PBX3: variants seen among roughly 807,000 people sequenced by gnomAD.
The protein encoded by PBX3 is pre-B-cell leukemia transcription factor 3.
Under a neutral mutation model 48.5 loss-of-function variants are expected in PBX3, and 14 were observed. That is an observed-to-expected ratio of 0.29 (90% confidence interval 0.19 to 0.45). PBX3 has a LOEUF of 0.45. Among genes scored for constraint, PBX3 ranks in the 20% least tolerant of loss-of-function variants. PBX3 has a pLI of 1.00. For synonymous variants in PBX3, 210 were observed against 200.3 expected (o/e 1.05, Z -0.41); for missense variants, 386 against 546.7 (o/e 0.71, Z 2.93).
chr9:125,888,491 A>G (rs78862188), intron 2 of PBX3, among the ~76,000 whole-genome samples: 3,009 of 152,062 alleles, frequency 0.02, 170 homozygotes, highest in East Asian at 0.17. Context: ...GGCGGCATAC[A>G]TGCTTTACCA....
Position 125,947,270 on chromosome 9 carries a change from ATC to A in PBX3, c.843+11665_843+11666del, listed in dbSNP as rs373815397. On this transcript the variant is annotated intron_variant, in intron 5 of 8. Transcript: ENST00000373489. The stretch of plus-strand genomic sequence containing the variant: ...AAGAAAAGGATAAATATGTATGTAA[ATC>A]TAAGTGAATAATACTGTTTAAAATA... 9.9e-5 allele frequency among the ~76,000 whole-genome samples: 15 copies of A among 152,278 alleles called. No homozygotes were observed. The South Asian group carries it at 2.9e-3, about 29-fold the overall frequency.
intron 2 of PBX3, among the ~76,000 whole-genome samples, chr9:125,897,416 A>T (rs1283217061): frequency 6.6e-6 from 1 of 151,894 alleles, no homozygotes; most frequent in Non-Finnish European, 1.5e-5. Flanking sequence ...GAAAGAATAG[A>T]GTACATTTTG....
chr9:125,904,750 A>G (rs1026799951), intron 2 of PBX3, among the ~76,000 whole-genome samples: 1 of 151,968 alleles, frequency 6.6e-6, no homozygotes, highest in Non-Finnish European at 1.5e-5. Context: ...GGTATCAGTC[A>G]GCAGAATTAT....
At chr9:125,861,251 A>G (rs984151391) in intron 2 of PBX3, among the ~76,000 whole-genome samples, 1 of 152,090 alleles carries the variant, frequency 6.6e-6, no homozygotes, top group African/African-American at 2.4e-5. Context: ...GTGAGCCGTG[A>G]TTGAGCCACT....
chr9:125,912,749 A>G (rs1841232500), intron 2 of PBX3, among the ~76,000 whole-genome samples: 1 of 152,166 alleles, frequency 6.6e-6, no homozygotes, highest in Admixed American at 6.5e-5. Context: ...AACAAGTACA[A>G]TCAAATTTTA....
intron 2 of PBX3, among the ~76,000 whole-genome samples, chr9:125,762,723 G>C (rs904538004): frequency 6.6e-6 from 1 of 152,146 alleles, no homozygotes; most frequent in East Asian, 1.9e-4. Flanking sequence ...CAGTAGCATC[G>C]ACAGATCCAC....
In PBX3 at chr9:125,826,344, CT is replaced by C. The variant is rs559786772; in HGVS notation, c.274+77724del. 1.8e-4 allele frequency among the ~76,000 whole-genome samples: 28 copies of C among 152,202 alleles called. 1 individual carries two copies. The South Asian group carries it at 3.9e-3, about 21-fold the overall frequency. On this transcript the variant is annotated intron_variant, in intron 2 of 8. Coordinates refer to ENST00000373489, the MANE Select transcript of PBX3 (RefSeq NM_006195.6). ...CACAAATGATATAGTAATAACCTTC[CT>C]TTCTCTTCAAAATGTTTTTATGTGA...
intron 5 of PBX3, among the ~76,000 whole-genome samples, chr9:125,959,486 G>A (rs971047930): frequency 3.3e-5 from 5 of 152,242 alleles, no homozygotes; most frequent in African/African-American, 1.2e-4. Flanking sequence ...CCTTGCCAGG[G>A]CTCTCTGCTC....
rs373691654 is a variant in PBX3 at position 125,781,416 on chromosome 9, C to A, written c.274+32793C>A. Among the ~76,000 whole-genome samples, 360 of 151,476 alleles carry A rather than the reference C, an allele frequency of 2.4e-3. 3 individuals carry two copies. Among genetic ancestry groups the A allele is most frequent in the African/African-American group, 8.4e-3 (347 of 41,278 alleles). Reference sequence around the variant, plus strand: ...GCGCCTGCAATCGCAGGCACTCGGCCGGCTGAGGCAGGAGAATCAGGCAGG... The same window carrying A: ...GCGCCTGCAATCGCAGGCACTCGGCAGGCTGAGGCAGGAGAATCAGGCAGG... On this transcript the variant is annotated intron_variant, in intron 2 of 8. Transcript: ENST00000373489.
chr9:125,886,873 A>G (rs1358953330), intron 2 of PBX3, among the ~76,000 whole-genome samples: 1 of 152,150 alleles, frequency 6.6e-6, no homozygotes, highest in Non-Finnish European at 1.5e-5. Context: ...TGAAGATTTT[A>G]AAGAGACATT....
chr9:125,774,143 G>A (rs541300043), intron 2 of PBX3, among the ~76,000 whole-genome samples: 1 of 152,312 alleles, frequency 6.6e-6, no homozygotes, highest in East Asian at 1.9e-4. Flanking sequence ...AGAAGGTGAA[G>A]GGGAAGCCAG....
Position 125,935,472 on chromosome 9 carries a change from A to G in PBX3, c.708A>G (p.Arg236=). Residue 236 remains arginine, a splice_region_variant and synonymous_variant, in exon 5 of 9, where the codon AGA becomes AGG. Transcript: ENST00000373489. ...TTATTTTCTTTCACTCTTGTCATAG[A>G]CGGAAAAGGCGTAACTTCAGTAAAC... is the stretch of plus-strand genomic sequence containing the variant. ...MILRSRFLDA[R]RKRRNFSKQA... is the part of the protein sequence containing the mutation. 2 of 1,613,482 alleles carry G rather than the reference A, an allele frequency of 1.2e-6. No homozygotes were observed. Among genetic ancestry groups the G allele is most frequent in the African/African-American group, 1.3e-5 (1 of 75,022 alleles).
intron 5 of PBX3, among the ~76,000 whole-genome samples, chr9:125,943,051 C>T (rs995405820): frequency 6.6e-6 from 1 of 152,090 alleles, no homozygotes; most frequent in Admixed American, 6.5e-5. Context: ...TCAGTTGATA[C>T]GATACCCAAA....
At position 125,846,453 on chromosome 9, in the gene PBX3, C is replaced by T. The variant is rs546388775; in HGVS notation, c.275-69233C>T. Reference sequence around the variant, plus strand: ...TAATTTACCTAATTAGGAATTCATACTGAGGAAATAGAGACATTTGTAAAG... The same window carrying T: ...TAATTTACCTAATTAGGAATTCATATTGAGGAAATAGAGACATTTGTAAAG... On this transcript the variant is annotated intron_variant, in intron 2 of 8. Transcript: ENST00000373489. Among the ~76,000 whole-genome samples the T allele has an allele frequency of 5.9e-5, 9 of 152,088 alleles. No individual in the cohort carries two copies. The East Asian group carries it at 1.7e-3, about 29-fold the overall frequency.
At chr9:125,869,963 G>A (rs1396262999) in intron 2 of PBX3, among the ~76,000 whole-genome samples, 1 of 151,884 alleles carries the variant, frequency 6.6e-6, no homozygotes, top group East Asian at 1.9e-4. Flanking sequence ...AAGAAAAAGA[G>A]GTTCAGTGGA....
intron 2 of PBX3, among the ~76,000 whole-genome samples, chr9:125,909,245 A>C (rs1302471459): frequency 6.6e-6 from 1 of 152,136 alleles, no homozygotes; most frequent in Non-Finnish European, 1.5e-5. Context: ...AAGTCTTCAA[A>C]ATTTGCCTTT....
chr9:125,926,742 C>G (rs975608511), intron 3 of PBX3, among the ~76,000 whole-genome samples: 2 of 152,200 alleles, frequency 1.3e-5, no homozygotes, highest in African/African-American at 4.8e-5. Context: ...ATCGCTTGAA[C>G]TTGGGAGGCG....
chr9:125,821,922 G>A (rs544784136), intron 2 of PBX3, among the ~76,000 whole-genome samples: 1 of 151,986 alleles, frequency 6.6e-6, no homozygotes, highest in Non-Finnish European at 1.5e-5. Context: ...ATATGTAAAT[G>A]GTCTTGAATT....
intron 2 of PBX3, among the ~76,000 whole-genome samples, chr9:125,789,790 A>G: frequency 6.6e-6 from 1 of 152,218 alleles, no homozygotes; most frequent in Admixed American, 6.5e-5. Context: ...TTATTATTTA[A>G]TAGATATTAT....
Sources: gnomAD v4.1 joint callset for allele counts (sites outside exome capture counted in the v4.1 genomes callset) on GRCh38, gnomAD v4.1.1 for gene constraint, MANE v1.5 for transcripts, NCBI Gene and HGNC (gene_info 2026-07-23, HGNC 2026-07-21) for gene names.